The following GLG1 variants were observed in gnomAD, a reference collection of about 807,000 sequenced individuals.
GLG1 encodes Golgi apparatus protein 1.
A neutral mutation model predicts 160.5 loss-of-function variants in GLG1; 38 were observed. That is an observed-to-expected ratio of 0.24 (90% CI 0.18 to 0.31). The LOEUF is 0.31. Among genes scored for constraint, GLG1 ranks in the 10% least tolerant of loss-of-function variants. GLG1 has a pLI of 1.00. For missense variants in GLG1, 1,373 were observed against 1,505.2 expected (o/e 0.91, Z 1.45); for synonymous variants, 644 against 543.4 (o/e 1.19, Z -2.57).
chr16:74,477,976 A>AC (rs1567468753), intron 11 of GLG1, among the ~76,000 whole-genome samples: 11 of 144,972 alleles, frequency 7.6e-5, no homozygotes, highest in African/African-American at 2.9e-4. Context: ...TCCGTCTCAA[A>AC]AAAATAAATA....
intron 17 of GLG1, chr16:74,468,117 C>T (rs982387033): frequency 5.3e-5 from 16 of 299,710 alleles, no homozygotes; most frequent in African/African-American, 2.2e-5. Context: ...GTGAAAATCA[C>T]TTTGGAAAGT....
At chr16:74,486,016 A>C in intron 8 of GLG1, 99 bp from the exon 9 acceptor site, 1 of 856,946 alleles carries the variant, frequency 1.2e-6, no homozygotes, top group South Asian at 1.7e-5. Context: ...TATTTACCAC[A>C]ATGTACTCCA....
intron 13 of GLG1, chr16:74,472,822 C>G (rs2015252761): frequency 3.0e-6 from 1 of 333,012 alleles, no homozygotes; most frequent in African/African-American, 2.2e-5. Context: ...AAAGCAGATG[C>G]CAAACCACTG....
intron 3 of GLG1, among the ~76,000 whole-genome samples, chr16:74,505,867 C>G (rs938870216): frequency 2.0e-5 from 3 of 150,900 alleles, no homozygotes; most frequent in Non-Finnish European, 4.4e-5. Flanking sequence ...AACAAATAAA[C>G]AAAAAACCCA....
At chr16:74,593,597 G>A (rs568308544) in intron 1 of GLG1, among the ~76,000 whole-genome samples, 1 of 151,898 alleles carries the variant, frequency 6.6e-6, no homozygotes, top group South Asian at 2.1e-4. Flanking sequence ...ACCATGCCTG[G>A]CTAATTTTTG....
chr16:74,454,858 T>C (rs2014471646), intron 25 of GLG1, among the ~76,000 whole-genome samples: 2 of 150,706 alleles, frequency 1.3e-5, no homozygotes, highest in Non-Finnish European at 1.5e-5. Context: ...TCATTCACCA[T>C]TATATCATAA....
At chr16:74,574,059 G>C (rs1326442388) in intron 1 of GLG1, among the ~76,000 whole-genome samples, 2 of 152,138 alleles carry the variant, frequency 1.3e-5, no homozygotes, top group Non-Finnish European at 2.9e-5. Context: ...CAACATGCGT[G>C]TGCACGCGCA....
rs1008521387 is a variant in GLG1 at position 74,453,059 on chromosome 16, C to T, written c.*108G>A. ...GTGGACATCTGCTAATGCTCTAACA[C>T]GGGGTTGGTGTCACTTCTGAGAAGA... is the stretch of plus-strand genomic sequence containing the variant. On this transcript the variant is annotated 3_prime_UTR_variant, in exon 26 of 26. Transcript: ENST00000422840. 3.0e-5 allele frequency: 45 copies of T among 1,512,766 alleles called. No homozygotes were observed. The highest frequency in any genetic ancestry group is 1.4e-4 in the East Asian group (6 of 43,522). 93.7% of individuals were successfully genotyped at this position (1,512,766 alleles called of 1,614,324 possible).
chr16:74,510,113 C>T (rs944098097), intron 2 of GLG1, among the ~76,000 whole-genome samples: 2 of 151,504 alleles, frequency 1.3e-5, no homozygotes, highest in African/African-American at 4.9e-5. Flanking sequence ...CTCACCACAA[C>T]CTCTGCCTCC....
At chr16:74,461,939 C>G (rs1001064121) in intron 22 of GLG1, 155 bp downstream of exon 22, 2 of 566,770 alleles carry the variant, frequency 3.5e-6, no homozygotes, top group Non-Finnish European at 6.3e-6. Context: ...TTCAGTGTTA[C>G]AAAGAACAGG....
intron 20 of GLG1, chr16:74,462,963 C>A: frequency 2.4e-6 from 1 of 421,422 alleles, no homozygotes; most frequent in Non-Finnish European, 4.2e-6. Flanking sequence ...AAAAGAAATA[C>A]AATATCCAAC....
chr16:74,459,770 T>G lies in GLG1; in HGVS notation c.3056A>C (p.Glu1019Ala). 1 of 1,600,990 alleles carries G rather than the reference T, an allele frequency of 6.2e-7. No individual in the cohort carries two copies. The highest frequency in any genetic ancestry group is 8.5e-7 in the Non-Finnish European group (1 of 1,169,626). The change falls in exon 23 of 26, where the codon GAA (glutamate) becomes GCA (alanine). Residue 1019 changes from glutamate to alanine, a missense_variant. This residue lies in a region of GLG1 where 491 missense variants were observed against 632.1 expected (regional missense o/e 0.78). Transcript: ENST00000422840. ...TGTCTGCTCTTGGGCTGCTGCTTCT[T>G]CAGCACATAGACTGGAGATCTGTTC... is the stretch of plus-strand genomic sequence containing the variant. ...CSDEISSLCA[E>A]EAAAQEQTGQ...
At chr16:74,494,904 A>G in intron 5 of GLG1, 73 bp from the exon 6 acceptor site, 2 of 770,918 alleles carry the variant, frequency 2.6e-6, no homozygotes, top group Admixed American at 1.9e-5. Flanking sequence ...ACAATCTCAT[A>G]TAGAGCTTTC....
At chr16:74,473,615 T>C (rs957796353) in intron 13 of GLG1, among the ~76,000 whole-genome samples, 7 of 151,874 alleles carry the variant, frequency 4.6e-5, no homozygotes, top group Non-Finnish European at 8.8e-5. Flanking sequence ...AATTTTTTTG[T>C]ATTTTTAGTA....
At chr16:74,488,459 G>A (rs1199044121) in intron 8 of GLG1, among the ~76,000 whole-genome samples, 1 of 152,094 alleles carries the variant, frequency 6.6e-6, no homozygotes, top group East Asian at 1.9e-4. Flanking sequence ...TTTGACTGGG[G>A]ATGGCTACTG....
chr16:74,564,805 T>C (rs772639718), intron 1 of GLG1, among the ~76,000 whole-genome samples: 3 of 152,190 alleles, frequency 2.0e-5, no homozygotes, highest in Non-Finnish European at 4.4e-5. Context: ...CATCATCAAA[T>C]TGAAACTTTA....
intron 1 of GLG1, among the ~76,000 whole-genome samples, chr16:74,601,354 T>TG (rs1958434951): frequency 6.6e-6 from 1 of 150,858 alleles, no homozygotes; most frequent in Non-Finnish European, 1.5e-5. Flanking sequence ...CAGAGGAGGG[T>TG]GGGTCGGTTG....
intron 2 of GLG1, among the ~76,000 whole-genome samples, chr16:74,527,448 C>T (rs1301240617): frequency 1.3e-5 from 2 of 151,894 alleles, no homozygotes; most frequent in East Asian, 3.9e-4. Flanking sequence ...TGGGGTTTCA[C>T]CATGTTGGCC....
Position 74,491,108 on chromosome 16 carries a change from T to C in GLG1, c.1342A>G (p.Ile448Val), listed in dbSNP as rs915515269. Residue 448 changes from isoleucine (I) to valine (V), a missense_variant, in exon 8 of 26, where the codon ATT (isoleucine) becomes GTT (valine). By Grantham distance (29) the Ile-to-Val change is conservative. Coordinates refer to ENST00000422840, the MANE Select transcript of GLG1 (RefSeq NM_001145667.2). ...TGTAATCCGGAACAATGGTGTTCAA[T>C]CTCCCCCCGACAGCTTAGGATGATC... ...PEIILSCRGE[I>V]EHHCSGLHRK... 1.2e-6 allele frequency: 2 copies of C among 1,614,028 alleles called. No individual in the cohort carries two copies. The highest frequency in any genetic ancestry group is 1.3e-5 in the African/African-American group (1 of 75,020).
Sources: gnomAD v4.1 joint callset for allele counts (sites outside exome capture counted in the v4.1 genomes callset) on GRCh38, gnomAD v4.1.1 for gene constraint, gnomAD v4.1.1 regional missense constraint, MANE v1.5 for transcripts, NCBI Gene and HGNC (gene_info 2026-07-23, HGNC 2026-07-21) for gene names.